The following AFDN variants were observed in gnomAD, a reference collection of about 807,000 sequenced individuals.
The protein encoded by AFDN is afadin.
In AFDN, 68 loss-of-function variants were observed where a neutral mutation model predicts 216.6. That is an observed-to-expected ratio of 0.31 (90% CI 0.26 to 0.38). The LOEUF (loss-of-function observed/expected upper bound fraction) is 0.38. Ranked by LOEUF, AFDN falls within the 10% of genes least tolerant of loss-of-function variation. The probability of loss-of-function intolerance (pLI) is 1.00; values close to 1 mark genes in which losing one functional copy is unlikely to be tolerated. For missense variants in AFDN, 2,136 were observed against 2,342.0 expected (o/e 0.91, Z 1.82); for synonymous variants, 868 against 853.7 (o/e 1.02, Z -0.29).
In AFDN at chr6:167,895,154, C is replaced by T. The variant is rs533697552; in HGVS notation, c.1222+1248C>T. ...TTTTGTAAACCTAGCCACCAGGGAGCTCAGAGATGAGGGAGATAAGTAGAT... is the reference window on the plus strand; with the variant it reads ...TTTTGTAAACCTAGCCACCAGGGAGTTCAGAGATGAGGGAGATAAGTAGAT... On this transcript the variant is annotated intron_variant, in intron 9 of 33. Coordinates refer to ENST00000683244, the MANE Select transcript of AFDN (RefSeq NM_001386888.1). Among the ~76,000 whole-genome samples the T allele has an allele frequency of 7.3e-5, 11 of 151,110 alleles. 1 individual carries two copies. The South Asian group carries it at 2.3e-3, about 32-fold the overall frequency.
chr6:167,891,011 T>G lies in AFDN; in HGVS notation c.1159T>G (p.Leu387Val), dbSNP rs1562618872. ...CCTTCCTCCGGAGAAGCTGCCCTAT[T>G]TAGTAGAGTTAAGCCCAGGTGAGAA... Reference protein sequence around the residue: ...STLPPEKLPYLVELSPGRRNH... With the variant: ...STLPPEKLPYVVELSPGRRNH... The change falls in exon 8 of 34, where the codon TTA becomes GTA. Residue 387 changes from leucine (L) to valine (V), a missense_variant. Physicochemically the swap from Leu to Val is conservative, Grantham distance 32. Around this residue, in one of 8 missense-constraint regions of AFDN, gnomAD observed 817 missense variants for 965.7 expected, o/e 0.85. Coordinates refer to ENST00000683244, the MANE Select transcript of AFDN (RefSeq NM_001386888.1). 6.2e-7 allele frequency: 1 copy of G among 1,613,126 alleles called. No individual in the cohort carries two copies. Among genetic ancestry groups the G allele is most frequent in the Non-Finnish European group, 8.5e-7 (1 of 1,179,614 alleles).
intron 2 of AFDN, among the ~76,000 whole-genome samples, chr6:167,867,712 T>C (rs1431249138): frequency 2.0e-5 from 3 of 152,186 alleles, no homozygotes; most frequent in Non-Finnish European, 4.4e-5. Context: ...ATTACAGGCG[T>C]GAGCCACCGC....
At position 167,951,480 on chromosome 6, in the gene AFDN, C is replaced by G; in HGVS notation, c.4126C>G (p.Pro1376Ala). The change falls in exon 30 of 34, where the codon CCG becomes GCG. Residue 1376 changes from proline (P) to alanine (A), a missense_variant. Around this residue, in one of 8 missense-constraint regions of AFDN, gnomAD observed 981 missense variants for 966.0 expected, o/e 1.02. Coordinates refer to ENST00000683244, the MANE Select transcript of AFDN (RefSeq NM_001386888.1). This position sits in a 1 kb window ranked among gnomAD's most constrained non-coding sequence, Gnocchi z 7.1. The stretch of plus-strand genomic sequence containing the variant: ...CCGAACAGACCTGCCTCCGCCACCC[C>G]CGCCACCTCCAGTCCACTATGCCGG... The part of the protein sequence containing the change: ...PIRTDLPPPP[P>A]PPPVHYAGDF... The G allele has an allele frequency of 6.2e-7, 1 of 1,614,086 alleles. No individual in the cohort carries two copies. The highest frequency in any genetic ancestry group is 8.5e-7 in the Non-Finnish European group (1 of 1,180,032).
intron 29 of AFDN, among the ~76,000 whole-genome samples, chr6:167,949,867 A>G (rs115878456): frequency 0.02 from 2,992 of 152,280 alleles, 55 homozygotes; most frequent in Non-Finnish European, 0.033. Context: ...TGGATAAACA[A>G]TACCTAGAGG....
rs536606283 is a variant in AFDN, at chr6:167,884,668, GTGTTGACATCTAGGATT to G, written c.897+4157_897+4173del. On this transcript the variant is annotated intron_variant, in intron 6 of 33. Transcript: ENST00000683244. The stretch of plus-strand genomic sequence containing the variant: ...ATAGTAAGCCATGCTGTAAATAGAT[GTGTTGACATCTAGGATT>G]TGTTGTTCATTTATAGAGCACAGGC... Among the ~76,000 whole-genome samples, 108 of 152,232 alleles carry G rather than the reference GTGTTGACATCTAGGATT, an allele frequency of 7.1e-4. 1 individual carries two copies. Among genetic ancestry groups the G allele is most frequent in the African/African-American group, 2.5e-3 (104 of 41,536 alleles).
Position 167,871,866 on chromosome 6 carries a change from A to G in AFDN, c.415-348A>G, listed in dbSNP as rs1463416999. Among the ~76,000 whole-genome samples, 10 of 152,206 alleles carry G rather than the reference A, an allele frequency of 6.6e-5. No homozygotes were observed. In the East Asian group the frequency reaches 1.7e-3, roughly 26 times the overall value. On this transcript the variant is annotated intron_variant, in intron 3 of 33. Transcript: ENST00000683244. ...AAGTTACTTTATGTAAATTACTTGGAGTTTTATTTACTGAAAATCAGATTT... is the reference window on the plus strand; with the variant it reads ...AAGTTACTTTATGTAAATTACTTGGGGTTTTATTTACTGAAAATCAGATTT...
At chr6:167,926,880 G>A (rs58243413) in intron 23 of AFDN, among the ~76,000 whole-genome samples, 18,561 of 152,172 alleles carry the variant, frequency 0.12, 1,350 homozygotes, top group South Asian at 0.22. Flanking sequence ...CCCAGACACA[G>A]TCCCCAGCAT....
Position 167,956,194 on chromosome 6 carries a change from C to T in AFDN, c.4833+4007C>T, listed in dbSNP as rs12527226. On this transcript the variant is annotated intron_variant, in intron 30 of 33. Transcript: ENST00000683244. ...GCAGGTTACCCTAGGAGACCCTCATCTGTGAAGATATTAGCCCTCTCCTTA... is the reference window on the plus strand; with the variant it reads ...GCAGGTTACCCTAGGAGACCCTCATTTGTGAAGATATTAGCCCTCTCCTTA... Among the ~76,000 whole-genome samples the T allele has an allele frequency of 2.3e-3, 345 of 150,044 alleles. 5 individuals are homozygous for T. The highest frequency in any genetic ancestry group is 0.021 in the Admixed American group (315 of 15,046).
At chr6:167,947,358 T>G (rs1795412191) in intron 27 of AFDN, among the ~76,000 whole-genome samples, 1 of 152,096 alleles carries the variant, frequency 6.6e-6, no homozygotes, top group Non-Finnish European at 1.5e-5. Flanking sequence ...TTTTTGTATT[T>G]TTAGTAGAGA....
intron 19 of AFDN, among the ~76,000 whole-genome samples, 159 bp from the exon 20 acceptor site, chr6:167,916,930 T>G (rs1481321482): frequency 6.6e-6 from 1 of 152,224 alleles, no homozygotes; most frequent in Non-Finnish European, 1.5e-5. Context: ...TTCTATTTAA[T>G]GTATATAGTT....
chr6:167,828,575 C>T (rs1396758548), intron 1 of AFDN, among the ~76,000 whole-genome samples: 2 of 152,190 alleles, frequency 1.3e-5, no homozygotes, highest in African/African-American at 2.4e-5. Flanking sequence ...GAGTTAGGTT[C>T]TAGTAAGGGA....
intron 12 of AFDN, among the ~76,000 whole-genome samples, chr6:167,902,721 T>C (rs1055607630): frequency 3.3e-5 from 5 of 152,228 alleles, no homozygotes; most frequent in African/African-American, 7.2e-5. Context: ...AAATATCTTA[T>C]TGTATTGTAC....
At chr6:167,858,798 G>T (rs979534656) in intron 1 of AFDN, among the ~76,000 whole-genome samples, 2 of 152,186 alleles carry the variant, frequency 1.3e-5, no homozygotes, top group Non-Finnish European at 2.9e-5. Context: ...ATAGTGCCCT[G>T]TGTGTAAGTC....
At chr6:167,827,315 C>T in intron 1 of AFDN, 78 bp downstream of exon 1, 1 of 497,110 alleles carries the variant, frequency 2.0e-6, no homozygotes, top group Non-Finnish European at 2.6e-6. Flanking sequence ...CGCCGCCGCC[C>T]GCCAGCCGCG....
intron 30 of AFDN, among the ~76,000 whole-genome samples, chr6:167,957,882 C>T (rs1796677423): frequency 6.6e-6 from 1 of 152,174 alleles, no homozygotes; most frequent in South Asian, 2.1e-4. Context: ...CTCTCATTTC[C>T]TCATGACAAA....
chr6:167,932,092 G>A (rs185064691), intron 23 of AFDN, among the ~76,000 whole-genome samples: 5 of 152,228 alleles, frequency 3.3e-5, no homozygotes, highest in African/African-American at 1.2e-4. Flanking sequence ...ATGAGTGTGT[G>A]GTATATGTTT....
rs6912736 is a variant in AFDN at position 167,937,349 on chromosome 6, C to T, written c.3100-5780C>T. ...ATCAAATTCCATTTTTATGATCAAC[C>T]TTGAATAGACCTTTTAGATTTTAAT... On this transcript the variant is annotated intron_variant, in intron 23 of 33. Transcript: ENST00000683244. Among the ~76,000 whole-genome samples the T allele has an allele frequency of 7.0e-3, 1,066 of 152,246 alleles. 15 individuals are homozygous for T. The highest frequency in any genetic ancestry group is 0.024 in the African/African-American group (1,014 of 41,558).
chr6:167,954,660 G>C (rs1044504304), intron 30 of AFDN, among the ~76,000 whole-genome samples: 4 of 152,098 alleles, frequency 2.6e-5, no homozygotes, highest in African/African-American at 9.7e-5. Context: ...AATGTTCCTA[G>C]ATTTAGTTAC....
At chr6:167,877,547 T>C (rs1299244494) in intron 5 of AFDN, among the ~76,000 whole-genome samples, 2 of 152,190 alleles carry the variant, frequency 1.3e-5, no homozygotes, top group African/African-American at 4.8e-5. Context: ...TTTTTCTATA[T>C]GTAGACTCTG....
Sources: allele counts gnomAD v4.1 joint callset (sites outside exome capture counted in the v4.1 genomes callset), GRCh38; gene constraint gnomAD v4.1.1; regional missense constraint gnomAD v4.1.1; non-coding constraint Gnocchi (gnomAD v3.1); transcripts MANE v1.5; gene names NCBI Gene and HGNC (gene_info 2026-07-23, HGNC 2026-07-21).